Variants in TENM2 observed in about 807,000 individuals in gnomAD.
TENM2 encodes the protein teneurin-2.
TENM2 carries 52 observed loss-of-function variants against 245.2 expected under a neutral mutation model. The ratio of observed to expected loss-of-function variants is 0.21; its 90% CI spans 0.17 to 0.27. The LOEUF (loss-of-function observed/expected upper bound fraction) is 0.27. Among genes scored for constraint, TENM2 ranks in the 10% least tolerant of loss-of-function variants. TENM2 has a pLI of 1.00. For missense variants in TENM2, 3,046 were observed against 3,666.8 expected (o/e 0.83, Z 4.37); for synonymous variants, 1,363 against 1,438.9 (o/e 0.95, Z 1.19).
intron 2 of TENM2, among the ~76,000 whole-genome samples, chr5:167,868,857 G>A (rs1772565458): frequency 1.3e-5 from 2 of 152,098 alleles, no homozygotes; most frequent in Admixed American, 1.3e-4. Flanking sequence ...CACAGCAGGT[G>A]CTTGTGAACC....
chr5:167,406,891 G>A (rs1475354226), intron 2 of TENM2, among the ~76,000 whole-genome samples: 2 of 152,064 alleles, frequency 1.3e-5, no homozygotes, highest in East Asian at 1.9e-4. Context: ...TGAACCACAT[G>A]GACATTTGGT....
At position 167,782,323 on chromosome 5, in the gene TENM2, A is replaced by G. The variant is rs1764250365; in HGVS notation, c.503-93663A>G. Among the ~76,000 whole-genome samples the G allele has an allele frequency of 7.3e-5, 11 of 151,114 alleles. No homozygotes were observed. In the South Asian group the frequency reaches 2.3e-3, roughly 32 times the overall value. On this transcript the variant is annotated intron_variant, in intron 2 of 28. Coordinates refer to ENST00000518659, the Ensembl canonical transcript of TENM2. ...AGCAAAACTCTGTCTCAAAAAAAAA[A>G]AAAAAAAAAAAAAAAATTAAAAAGA...
At chr5:167,566,888 G>C (rs1773941424) in intron 2 of TENM2, among the ~76,000 whole-genome samples, 2 of 152,002 alleles carry the variant, frequency 1.3e-5, no homozygotes, top group South Asian at 4.1e-4. Context: ...TTCACTTAAG[G>C]GGTTGTTCCA....
chr5:167,117,457 C>T, the TENM2 span, among the ~76,000 whole-genome samples: 23 of 152,058 alleles, frequency 1.5e-4, no homozygotes, highest in South Asian at 4.2e-3. Flanking sequence ...GAGCCAAGAT[C>T]GCACCCCTGC....
chr5:168,205,848 G>A (rs1762310209), intron 19 of TENM2, among the ~76,000 whole-genome samples: 1 of 152,164 alleles, frequency 6.6e-6, no homozygotes, highest in South Asian at 2.1e-4. Flanking sequence ...TTTTTTTAAA[G>A]ATGACTCTGG....
At chr5:167,285,756 C>T (rs543449276) in intron 1 of TENM2, among the ~76,000 whole-genome samples, 1 of 152,326 alleles carries the variant, frequency 6.6e-6, no homozygotes, top group Admixed American at 6.5e-5. Flanking sequence ...TCTTACTAGT[C>T]CCAGCCTCGC....
chr5:167,577,432 G>C (rs1215383973), intron 2 of TENM2, among the ~76,000 whole-genome samples: 2 of 152,132 alleles, frequency 1.3e-5, no homozygotes, highest in African/African-American at 4.8e-5. Flanking sequence ...TGCTCCATAG[G>C]ATGTTTTGAT....
chr5:168,039,237 A>G (rs1262199923), intron 5 of TENM2, among the ~76,000 whole-genome samples: 1 of 152,196 alleles, frequency 6.6e-6, no homozygotes, highest in Admixed American at 6.5e-5. Flanking sequence ...TGCCACGTGC[A>G]GCCTGCGTCT....
intron 10 of TENM2, among the ~76,000 whole-genome samples, chr5:168,120,724 T>C (rs1452415782): frequency 6.6e-6 from 1 of 152,218 alleles, no homozygotes; most frequent in Non-Finnish European, 1.5e-5. Context: ...GTTTTCAAAA[T>C]AGGAAATGGA....
chr5:167,857,415 CATCA>C (rs1475700794), intron 2 of TENM2, among the ~76,000 whole-genome samples: 1 of 152,204 alleles, frequency 6.6e-6, no homozygotes, highest in Non-Finnish European at 1.5e-5. Context: ...CTAGTACACA[CATCA>C]ATCTGAATTT....
chr5:167,186,802 G>A, the TENM2 span, among the ~76,000 whole-genome samples: 2 of 152,226 alleles, frequency 1.3e-5, no homozygotes, highest in Admixed American at 6.5e-5. Context: ...GTCCAATTGT[G>A]TGAATAGGAA....
At chr5:167,888,055 G>A (rs575892443) in intron 3 of TENM2, among the ~76,000 whole-genome samples, 7 of 152,180 alleles carry the variant, frequency 4.6e-5, no homozygotes, top group East Asian at 1.9e-4. Flanking sequence ...TTTAGGGCTC[G>A]TCATAATTGT....
At chr5:167,270,335 A>G in the TENM2 span, among the ~76,000 whole-genome samples, 2 of 152,142 alleles carry the variant, frequency 1.3e-5, no homozygotes, top group Admixed American at 1.3e-4. Context: ...TAGTAGTAAT[A>G]ATTGACATTA....
chr5:168,191,635 G>A (rs1435678454), intron 14 of TENM2, among the ~76,000 whole-genome samples: 1 of 152,046 alleles, frequency 6.6e-6, no homozygotes, highest in Admixed American at 6.6e-5. Flanking sequence ...TGCCATCTTT[G>A]TCTTATTTCT....
At chr5:167,641,000 C>G (rs77515811) in intron 2 of TENM2, among the ~76,000 whole-genome samples, 2,252 of 148,526 alleles carry the variant, frequency 0.015, 25 homozygotes, top group East Asian at 0.037. Flanking sequence ...AAATCCTGAC[C>G]GACCTCAGAC....
intron 2 of TENM2, among the ~76,000 whole-genome samples, chr5:167,560,966 C>A (rs1007317648): frequency 6.6e-6 from 1 of 152,090 alleles, no homozygotes; most frequent in Non-Finnish European, 1.5e-5. Context: ...GCCTAACAGC[C>A]CGTGATGCAC....
chr5:167,954,446 G>A (rs1326438006), intron 4 of TENM2, among the ~76,000 whole-genome samples: 1 of 152,148 alleles, frequency 6.6e-6, no homozygotes, highest in Non-Finnish European at 1.5e-5. Flanking sequence ...GGAATGAAAA[G>A]CTACGTATCG....
chr5:167,316,917 G>C (rs1216011510), intron 1 of TENM2, among the ~76,000 whole-genome samples: 2 of 152,084 alleles, frequency 1.3e-5, no homozygotes, highest in Non-Finnish European at 2.9e-5. Context: ...TTCTAAGACT[G>C]TTGCCAAAAA....
chr5:167,472,548 G>C (rs1364440433), intron 2 of TENM2, among the ~76,000 whole-genome samples: 1 of 152,172 alleles, frequency 6.6e-6, no homozygotes, highest in Non-Finnish European at 1.5e-5. Context: ...TTATACATCA[G>C]TTCAGGAACA....
Sources: allele counts gnomAD v4.1 joint callset (sites outside exome capture counted in the v4.1 genomes callset), GRCh38; gene constraint gnomAD v4.1.1; transcripts MANE v1.5; gene names NCBI Gene and HGNC (gene_info 2026-07-23, HGNC 2026-07-21).